ZDHHC20: variants seen among roughly 807,000 people sequenced by gnomAD.
ZDHHC20 encodes the protein zDHHC palmitoyltransferase 20, also known as palmitoyltransferase ZDHHC20.
Under a neutral mutation model 57.8 loss-of-function variants are expected in ZDHHC20, and 43 were observed. The ratio of observed to expected loss-of-function variants is 0.74; its 90% confidence interval spans 0.58 to 0.96. ZDHHC20 has a LOEUF of 0.96. Among genes scored for constraint, ZDHHC20 ranks in the 40% least tolerant of loss-of-function variants. ZDHHC20 has a pLI of 0.00. For missense variants in ZDHHC20, 391 were observed against 441.1 expected, an observed-to-expected ratio of 0.89 and a Z score of 1.02; for synonymous variants, 157 against 153.0, an observed-to-expected ratio of 1.03 and a Z score of -0.19.
intron 1 of ZDHHC20, among the ~76,000 whole-genome samples, chr13:21,440,068 G>GAAAAAA (rs376263181): frequency 8.0e-4 from 72 of 89,786 alleles, no homozygotes; most frequent in Admixed American, 9.8e-4. Flanking sequence ...CTGTTTCTCA[G>GAAAAAA]AAAAAAAAAA....
At chr13:21,447,313 CCTCTCCCCACG>C (rs1883827056) in intron 1 of ZDHHC20, among the ~76,000 whole-genome samples, 1 of 150,546 alleles carries the variant, frequency 6.6e-6, no homozygotes, top group Admixed American at 6.7e-5. Flanking sequence ...TCTCCCTCTC[CCTCTCCCCACG>C]GTCTCCCTCT....
chr13:21,399,092 C>T (rs1877246991), intron 7 of ZDHHC20, among the ~76,000 whole-genome samples: 1 of 152,128 alleles, frequency 6.6e-6, no homozygotes, highest in South Asian at 2.1e-4. Context: ...CTTGTAATCC[C>T]AGCACTTTGG....
intron 3 of ZDHHC20, among the ~76,000 whole-genome samples, chr13:21,417,742 G>C (rs1317362372): frequency 1.3e-5 from 2 of 151,960 alleles, no homozygotes; most frequent in Non-Finnish European, 2.9e-5. Context: ...TCTGGCCCTA[G>C]TTTTTGCTTT....
At chr13:21,392,958 C>T (rs1195873708) in intron 7 of ZDHHC20, among the ~76,000 whole-genome samples, 1 of 152,070 alleles carries the variant, frequency 6.6e-6, no homozygotes, top group Non-Finnish European at 1.5e-5. Context: ...ATGTATTTTA[C>T]CTTTGGACAA....
rs201047829 is a variant in ZDHHC20 at position 21,421,157 on chromosome 13, G to T, written c.153C>A (p.Thr51=). The T allele has an allele frequency of 1.2e-6, 2 of 1,611,964 alleles. No individual in the cohort carries two copies. Among genetic ancestry groups the T allele is most frequent in the African/African-American group, 2.7e-5 (2 of 74,838 alleles). ...TIFGNEENGK[T]VVYLVAFHLF... is the part of the protein sequence containing the mutation. ...GATGGAAAGCCACAAGGTAAACAACGGTCTTTCCTGGTAAATAAAAACAAA... is the reference window on the plus strand; with the variant it reads ...GATGGAAAGCCACAAGGTAAACAACTGTCTTTCCTGGTAAATAAAAACAAA... Residue 51 remains threonine (T), a synonymous_variant, in exon 3 of 13, where the codon ACC becomes ACA. Transcript: ENST00000400590.
At chr13:21,409,502 T>TAG (rs2137839538) in intron 4 of ZDHHC20, among the ~76,000 whole-genome samples, 1 of 152,362 alleles carries the variant, frequency 6.6e-6, no homozygotes, top group South Asian at 2.1e-4. Context: ...TTCTCTCTTT[T>TAG]ATTCTTTATT....
At chr13:21,437,549 G>T (rs1036821463) in intron 1 of ZDHHC20, among the ~76,000 whole-genome samples, 4 of 152,160 alleles carry the variant, frequency 2.6e-5, no homozygotes, top group Non-Finnish European at 5.9e-5. Context: ...TGTAGCTGGG[G>T]ACTTTAAGTT....
At chr13:21,448,799 T>C (rs1884136048) in intron 1 of ZDHHC20, among the ~76,000 whole-genome samples, 1 of 92,468 alleles carries the variant, frequency 1.1e-5, no homozygotes. Context: ...GGGAAAAGAT[T>C]GAGAAATCGG....
intron 3 of ZDHHC20, among the ~76,000 whole-genome samples, chr13:21,419,661 T>C (rs900849113): frequency 6.6e-6 from 1 of 152,206 alleles, no homozygotes; most frequent in African/African-American, 2.4e-5. Context: ...TTATATTTAA[T>C]ACAAAAACAG....
intron 4 of ZDHHC20, among the ~76,000 whole-genome samples, chr13:21,411,459 A>G (rs1879209273): frequency 6.6e-6 from 1 of 152,194 alleles, no homozygotes; most frequent in Non-Finnish European, 1.5e-5. Flanking sequence ...CAATCTCTCC[A>G]TTTTACAGAT....
chr13:21,423,738 C>T lies in ZDHHC20; in HGVS notation c.145+1914G>A, dbSNP rs553323729. ...ATATTTTATATATTACATATAATTG[C>T]TTCATTTGTTTTTCCTTTGGAAAAG... On this transcript the variant is annotated intron_variant, in intron 2 of 12. Coordinates refer to ENST00000400590, the MANE Select transcript of ZDHHC20 (RefSeq NM_001330059.2). 2.7e-5 allele frequency among the ~76,000 whole-genome samples: 4 copies of T among 150,636 alleles called. No individual in the cohort carries two copies. The South Asian group carries it at 8.4e-4, about 32-fold the overall frequency.
At chr13:21,450,142 G>A (rs1017376934) in intron 1 of ZDHHC20, among the ~76,000 whole-genome samples, 8 of 152,038 alleles carry the variant, frequency 5.3e-5, no homozygotes, top group Non-Finnish European at 5.9e-5. Flanking sequence ...GCTATTAGGA[G>A]CAGCAGGTTC....
At chr13:21,405,465 TCTCA>T (rs1166522086) in intron 4 of ZDHHC20, among the ~76,000 whole-genome samples, 9 of 152,186 alleles carry the variant, frequency 5.9e-5, no homozygotes, top group African/African-American at 2.2e-4. Flanking sequence ...CCAAGTTCTG[TCTCA>T]CTCACCTGTC....
In ZDHHC20 at chr13:21,373,042, C is replaced by A. The variant is rs1871459059; in HGVS notation, c.*3654G>T. 3 of 150,706 alleles carry A rather than the reference C, an allele frequency of 2.0e-5. No individual in the cohort carries two copies. The highest frequency in any genetic ancestry group is 1.3e-4 in the Admixed American group (2 of 15,152). 9.3% of individuals were successfully genotyped at this position (150,706 alleles called of 1,614,324 possible). A position where few individuals can be genotyped will look rare whatever the true frequency, so the allele number is the denominator to read the frequency against. On this transcript the variant is annotated 3_prime_UTR_variant, in exon 13 of 13. Transcript: ENST00000400590. The stretch of plus-strand genomic sequence containing the variant: ...TTAAATTGGAAAATACAGTTTAGAT[C>A]ATATGAAACATATGGATTTCAGACA...
intron 4 of ZDHHC20, among the ~76,000 whole-genome samples, chr13:21,407,035 C>A (rs1878545305): frequency 6.6e-6 from 1 of 152,134 alleles, no homozygotes; most frequent in African/African-American, 2.4e-5. Context: ...GTCACCCAGG[C>A]TGGAGTGCAG....
At chr13:21,413,809 C>T in intron 3 of ZDHHC20, 37 bp from the exon 4 acceptor site, 1 of 1,552,626 alleles carries the variant, frequency 6.4e-7, no homozygotes, top group South Asian at 1.2e-5. Context: ...TTTTTTTAAT[C>T]CCATGATGTT....
At chr13:21,457,479 A>G (rs1225962427) in intron 1 of ZDHHC20, among the ~76,000 whole-genome samples, 1 of 152,190 alleles carries the variant, frequency 6.6e-6, no homozygotes, top group African/African-American at 2.4e-5. Context: ...AAATCTAGTA[A>G]TTTTAATTGA....
intron 2 of ZDHHC20, among the ~76,000 whole-genome samples, 165 bp downstream of exon 2, chr13:21,425,487 G>C (rs1881145946): frequency 6.6e-6 from 1 of 151,836 alleles, no homozygotes; most frequent in Non-Finnish European, 1.5e-5. Flanking sequence ...GTCTTGGTCT[G>C]GAAATAACCC....
At chr13:21,455,458 A>G (rs1006842532) in intron 1 of ZDHHC20, among the ~76,000 whole-genome samples, 1 of 152,178 alleles carries the variant, frequency 6.6e-6, no homozygotes, top group Non-Finnish European at 1.5e-5. Flanking sequence ...CGTACTTTAA[A>G]TATCAACCCT....
Sources: allele counts gnomAD v4.1 joint callset (sites outside exome capture counted in the v4.1 genomes callset), GRCh38; gene constraint gnomAD v4.1.1; transcripts MANE v1.5; gene names NCBI Gene and HGNC (gene_info 2026-07-23, HGNC 2026-07-21).